CSMD1: variants seen among roughly 807,000 people sequenced by gnomAD.
The protein encoded by CSMD1 is CUB and Sushi multiple domains 1.
In CSMD1, 213 loss-of-function variants were observed where a neutral mutation model predicts 417.5. That is an observed-to-expected ratio of 0.51 (90% CI 0.46 to 0.57). CSMD1 has a LOEUF of 0.57. CSMD1 is among the 20% of genes least tolerant of loss of function. CSMD1 has a pLI of 0.00. For synonymous variants in CSMD1, 2,862 were observed against 1,736.8 expected, an observed-to-expected ratio of 1.65 and a Z score of -16.11; for missense variants, 6,923 against 4,529.7, an observed-to-expected ratio of 1.53 and a Z score of -15.17.
chr8:4,405,263 C>G (rs987514117), intron 3 of CSMD1, among the ~76,000 whole-genome samples: 2 of 151,728 alleles, frequency 1.3e-5, no homozygotes, highest in African/African-American at 4.8e-5. Context: ...AAAGAGAAGT[C>G]AAAAAAGGAA....
chr8:3,090,686 A>G (rs1417988841), intron 48 of CSMD1, among the ~76,000 whole-genome samples: 1 of 152,202 alleles, frequency 6.6e-6, no homozygotes, highest in Non-Finnish European at 1.5e-5. Context: ...TTCACTTCCC[A>G]TACACAATGA....
chr8:4,749,626 C>T lies in CSMD1; in HGVS notation c.86-112068G>A, dbSNP rs78752484. Reference sequence around the variant, plus strand: ...ATTATCTGTTCTTGGAATGTACCAGCGTCAAAAGTTTCACTTTAATAATTC... The same window carrying T: ...ATTATCTGTTCTTGGAATGTACCAGTGTCAAAAGTTTCACTTTAATAATTC... On this transcript the variant is annotated intron_variant, in intron 1 of 69. Transcript: ENST00000635120. Among the ~76,000 whole-genome samples, 254 of 152,224 alleles carry T rather than the reference C, an allele frequency of 1.7e-3. 6 individuals carry two copies. In the East Asian group the frequency reaches 0.045, roughly 27 times the overall value.
intron 4 of CSMD1, among the ~76,000 whole-genome samples, chr8:4,019,507 G>A (rs1472352410): frequency 6.6e-6 from 1 of 152,180 alleles, no homozygotes; most frequent in Non-Finnish European, 1.5e-5. Flanking sequence ...GCATGAATGT[G>A]AAGTTTGGTG....
chr8:3,896,383 T>G (rs1222694508), intron 5 of CSMD1, among the ~76,000 whole-genome samples: 1 of 152,222 alleles, frequency 6.6e-6, no homozygotes, highest in Non-Finnish European at 1.5e-5. Flanking sequence ...CAAACAGATG[T>G]TAACAACAGT....
At chr8:4,129,344 C>T (rs933773922) in intron 3 of CSMD1, among the ~76,000 whole-genome samples, 4 of 152,054 alleles carry the variant, frequency 2.6e-5, no homozygotes, top group Non-Finnish European at 4.4e-5. Flanking sequence ...ATTTTTTGAA[C>T]CTTCTTGAAT....
At chr8:3,264,503 A>G (rs962847378) in intron 26 of CSMD1, among the ~76,000 whole-genome samples, 1 of 152,172 alleles carries the variant, frequency 6.6e-6, no homozygotes, top group Non-Finnish European at 1.5e-5. Context: ...GGAAAAATCT[A>G]ATTTGAGAAC....
At chr8:3,924,311 G>C (rs1809486862) in intron 5 of CSMD1, among the ~76,000 whole-genome samples, 1 of 152,050 alleles carries the variant, frequency 6.6e-6, no homozygotes, top group Non-Finnish European at 1.5e-5. Flanking sequence ...ATTCCTTCTT[G>C]TCTATGACTT....
chr8:3,103,645 G>T (rs554832981), intron 46 of CSMD1, among the ~76,000 whole-genome samples: 71 of 151,984 alleles, frequency 4.7e-4, no homozygotes, highest in Non-Finnish European at 8.7e-4. Context: ...ACGTCATGCA[G>T]TGCGTGATTA....
intron 26 of CSMD1, among the ~76,000 whole-genome samples, chr8:3,259,064 G>A (rs141929269): frequency 6.6e-6 from 1 of 152,098 alleles, no homozygotes; most frequent in African/African-American, 2.4e-5. Flanking sequence ...GAAGCCAAGG[G>A]CACCTGCTAC....
At chr8:3,898,233 T>C (rs1310212970) in intron 5 of CSMD1, among the ~76,000 whole-genome samples, 1 of 151,756 alleles carries the variant, frequency 6.6e-6, no homozygotes, top group East Asian at 1.9e-4. Flanking sequence ...ATTGAGAAAA[T>C]AAAAATAGCT....
intron 1 of CSMD1, among the ~76,000 whole-genome samples, chr8:4,735,050 G>A (rs189730296): frequency 2.6e-5 from 4 of 152,350 alleles, no homozygotes; most frequent in African/African-American, 4.8e-5. Flanking sequence ...GAACAAGTCA[G>A]TTCAGTAGAA....
Position 3,081,658 on chromosome 8 carries a change from T to G in CSMD1, c.7474+5439A>C, listed in dbSNP as rs1585300997. On this transcript the variant is annotated intron_variant, in intron 49 of 69. Coordinates refer to ENST00000635120, the MANE Select transcript of CSMD1 (RefSeq NM_033225.6). ...CCACTTTTGACCAAATGTGAGATACTGTCAGAGTCTAAACTGTTATTTATT... is the reference window on the plus strand; with the variant it reads ...CCACTTTTGACCAAATGTGAGATACGGTCAGAGTCTAAACTGTTATTTATT... Among the ~76,000 whole-genome samples the G allele has an allele frequency of 2.0e-5, 3 of 152,334 alleles. No individual in the cohort carries two copies. The South Asian group carries it at 6.2e-4, about 32-fold the overall frequency.
intron 2 of CSMD1, among the ~76,000 whole-genome samples, chr8:4,468,518 C>T (rs1227764231): frequency 6.6e-6 from 1 of 152,142 alleles, no homozygotes; most frequent in African/African-American, 2.4e-5. Context: ...TTTTCTATTT[C>T]TTCTTACATG....
At chr8:3,216,736 G>T (rs149489939) in intron 29 of CSMD1, among the ~76,000 whole-genome samples, 1 of 152,170 alleles carries the variant, frequency 6.6e-6, no homozygotes, top group African/African-American at 2.4e-5. Flanking sequence ...GTCCGTGTCC[G>T]TTCCACTTAT....
At chr8:4,311,836 G>T (rs58970227) in intron 3 of CSMD1, among the ~76,000 whole-genome samples, 1 of 151,792 alleles carries the variant, frequency 6.6e-6, no homozygotes, top group Non-Finnish European at 1.5e-5. Context: ...CGAAGGAGAG[G>T]AGCGGAAAAG....
chr8:3,624,725 T>A (rs1168074465), intron 7 of CSMD1, among the ~76,000 whole-genome samples: 2 of 152,206 alleles, frequency 1.3e-5, no homozygotes, highest in Admixed American at 1.3e-4. Flanking sequence ...AGGATATGTG[T>A]TTGAGGGACA....
chr8:4,690,319 G>C (rs375591294), intron 1 of CSMD1, among the ~76,000 whole-genome samples: 13 of 152,132 alleles, frequency 8.5e-5, no homozygotes, highest in Admixed American at 3.9e-4. Context: ...TAAGTAAAAA[G>C]CAGTGGAAAA....
chr8:4,739,318 A>C (rs1810450093), intron 1 of CSMD1, among the ~76,000 whole-genome samples: 2 of 152,242 alleles, frequency 1.3e-5, no homozygotes, highest in Non-Finnish European at 2.9e-5. Flanking sequence ...CATAGTTGAC[A>C]GAACTAGATA....
intron 10 of CSMD1, among the ~76,000 whole-genome samples, chr8:3,536,541 G>A (rs1296130799): frequency 1.3e-5 from 2 of 152,208 alleles, no homozygotes; most frequent in Admixed American, 6.5e-5. Flanking sequence ...TCCATGAGAA[G>A]GATGAGCCTG....
Sources: gnomAD v4.1 joint callset for allele counts (sites outside exome capture counted in the v4.1 genomes callset) on GRCh38, gnomAD v4.1.1 for gene constraint, MANE v1.5 for transcripts, NCBI Gene and HGNC (gene_info 2026-07-23, HGNC 2026-07-21) for gene names.